NKD1: variants seen among roughly 807,000 people sequenced by gnomAD.
The protein encoded by NKD1 is NKD inhibitor of Wnt signaling pathway 1.
Under a neutral mutation model 56.0 loss-of-function variants are expected in NKD1, and 21 were observed. The ratio of observed to expected loss-of-function variants is 0.38; its 90% CI spans 0.27 to 0.54. The LOEUF (loss-of-function observed/expected upper bound fraction) is 0.54. Ranked by LOEUF, NKD1 falls within the 20% of genes least tolerant of loss-of-function variation. The probability of loss-of-function intolerance (pLI) is 0.82; values close to 1 mark genes in which losing one functional copy is unlikely to be tolerated. For synonymous variants in NKD1, 263 were observed against 265.7 expected, an observed-to-expected ratio of 0.99 and a Z score of 0.10; for missense variants, 578 against 642.7, an observed-to-expected ratio of 0.90 and a Z score of 1.09.
intron 3 of NKD1, among the ~76,000 whole-genome samples, chr16:50,578,730 G>A (rs1961043985): frequency 6.6e-6 from 1 of 152,126 alleles, no homozygotes; most frequent in South Asian, 2.1e-4. Flanking sequence ...GAGGCCTTCT[G>A]CAGCCTGTAG....
chr16:50,595,901 T>C (rs1461006613), intron 3 of NKD1, among the ~76,000 whole-genome samples: 1 of 152,170 alleles, frequency 6.6e-6, no homozygotes, highest in Non-Finnish European at 1.5e-5. Flanking sequence ...TAGATCCCCA[T>C]ACTTTTTGCT....
At position 50,630,836 on chromosome 16, in the gene NKD1, C is replaced by G; in HGVS notation, c.621C>G (p.Ser207Arg). The G allele has an allele frequency of 6.2e-7, 1 of 1,602,100 alleles. No individual in the cohort carries two copies. The highest frequency in any genetic ancestry group is 8.5e-7 in the Non-Finnish European group (1 of 1,175,034). Residue 207 changes from serine (S) to arginine (R), a missense_variant, in exon 8 of 10, where the codon AGC (serine) becomes AGG (arginine). Coordinates refer to ENST00000268459, the MANE Select transcript of NKD1 (RefSeq NM_033119.5). ...TCGGGCCGGACTCAGACCTGCAGAG[C>G]GCAAGGCCCCGAGCAGAGACCAAGC... is the stretch of plus-strand genomic sequence containing the variant. ...SVLVNQADLQSARPRAETKPT... is the reference protein window; with the variant it reads ...SVLVNQADLQRARPRAETKPT...
At position 50,632,172 on chromosome 16, in the gene NKD1, G is replaced by A; in HGVS notation, c.696-109G>A. ...CCCACCCTCTCCAAAGGCCAAGAAGGAAATGAATGAAGGGTCCAGAGTTCA... is the reference window on the plus strand; with the variant it reads ...CCCACCCTCTCCAAAGGCCAAGAAGAAAATGAATGAAGGGTCCAGAGTTCA... On this transcript the variant is annotated intron_variant, in intron 8 of 9. Coordinates refer to ENST00000268459, the MANE Select transcript of NKD1 (RefSeq NM_033119.5). This position sits in a 1 kb window ranked among gnomAD's most constrained non-coding sequence, Gnocchi z 4.1. The A allele has an allele frequency of 9.5e-7, 1 of 1,053,686 alleles. No individual in the cohort carries two copies. The highest frequency in any genetic ancestry group is 1.4e-6 in the Non-Finnish European group (1 of 713,162). 65.3% of individuals were successfully genotyped at this position (1,053,686 alleles called of 1,614,324 possible).
In NKD1 at chr16:50,549,387, C is replaced by T. The variant is rs368381702; in HGVS notation, c.59-35C>T. 63 of 1,601,420 alleles carry T rather than the reference C, an allele frequency of 3.9e-5. No individual in the cohort carries two copies. In the African/African-American group the frequency reaches 5.0e-4, roughly 13 times the overall value. ...CGGGGGTAACTTTTGGCACCTGGAG[C>T]CAGACTCAGGGGCTTCATGTCGTCC... is the stretch of plus-strand genomic sequence containing the variant. On this transcript the variant is annotated intron_variant, in intron 2 of 9. Coordinates refer to ENST00000268459, the MANE Select transcript of NKD1 (RefSeq NM_033119.5).
At chr16:50,573,920 T>C in intron 3 of NKD1, 2 of 985,408 alleles carry the variant, frequency 2.0e-6, no homozygotes, top group Non-Finnish European at 2.4e-6. Flanking sequence ...ACTATATATG[T>C]CTGGGGTGCA....
At chr16:50,599,685 C>T (rs553310332) in intron 3 of NKD1, among the ~76,000 whole-genome samples, 1 of 152,274 alleles carries the variant, frequency 6.6e-6, no homozygotes, top group South Asian at 2.1e-4. Flanking sequence ...CCATCAGATC[C>T]CAGTTTCCAC....
In NKD1 at chr16:50,642,720, G is replaced by C. The variant is rs932130119; in HGVS notation, c.*8939G>C. 1.3e-5 allele frequency: 2 copies of C among 152,268 alleles called. No individual in the cohort carries two copies. The highest frequency in any genetic ancestry group is 3.8e-4 in the East Asian group (2 of 5,196). 9.4% of individuals were successfully genotyped at this position (152,268 alleles called of 1,614,324 possible). ...CAGTTAGGAGAATGTGACCCCAGAA[G>C]GCTCATGGGAAAGGAGGTGCAGTCC... On this transcript the variant is annotated 3_prime_UTR_variant, in exon 10 of 10. Transcript: ENST00000268459.
intron 3 of NKD1, among the ~76,000 whole-genome samples, chr16:50,569,960 C>A (rs142083566): frequency 2.2e-4 from 34 of 152,262 alleles, no homozygotes; most frequent in Middle Eastern, 3.4e-3. Context: ...GCACTGCCTA[C>A]CATGGCAGCC....
chr16:50,629,288 C>T (rs1962291208), intron 6 of NKD1, among the ~76,000 whole-genome samples: 1 of 152,128 alleles, frequency 6.6e-6, no homozygotes, highest in African/African-American at 2.4e-5. Flanking sequence ...GGCCCTGATC[C>T]TATCATGGTC....
rs527934827 is a variant in NKD1, at chr16:50,632,070, G to A, written c.696-211G>A. ...AGAAGCTGCGGGGAGGTCGGGCTGT[G>A]GGCTGTGGTCTATGGTCTGTCTCTC... On this transcript the variant is annotated intron_variant, in intron 8 of 9. Coordinates refer to ENST00000268459, the MANE Select transcript of NKD1 (RefSeq NM_033119.5). This position sits in a 1 kb window ranked among gnomAD's most constrained non-coding sequence, Gnocchi z 4.1. Among the ~76,000 whole-genome samples, 1 of 152,356 alleles carries A rather than the reference G, an allele frequency of 6.6e-6. No individual in the cohort carries two copies. The highest frequency in any genetic ancestry group is 1.5e-5 in the Non-Finnish European group (1 of 68,038).
At chr16:50,576,856 T>C (rs1157879595) in intron 3 of NKD1, among the ~76,000 whole-genome samples, 1 of 151,896 alleles carries the variant, frequency 6.6e-6, no homozygotes, top group East Asian at 1.9e-4. Flanking sequence ...TGGGAAGGTA[T>C]TCCTACCATC....
intron 3 of NKD1, among the ~76,000 whole-genome samples, chr16:50,565,971 T>C (rs1960750194): frequency 6.6e-6 from 1 of 152,212 alleles, no homozygotes; most frequent in South Asian, 2.1e-4. Context: ...ACAGTGTGCA[T>C]TTCTGCTTCC....
chr16:50,620,426 T>A (rs1962059814), intron 4 of NKD1, among the ~76,000 whole-genome samples: 1 of 152,180 alleles, frequency 6.6e-6, no homozygotes, highest in Admixed American at 6.5e-5. Flanking sequence ...CCCAAGAAAG[T>A]CCTGCCTTGC....
At chr16:50,622,271 T>G (rs1172157432) in intron 5 of NKD1, among the ~76,000 whole-genome samples, 1 of 151,504 alleles carries the variant, frequency 6.6e-6, no homozygotes, top group Non-Finnish European at 1.5e-5. Flanking sequence ...GGGGTAGGAG[T>G]TGGGAGAGGG....
rs886960284 is a variant in NKD1 at position 50,648,189 on chromosome 16, C to T, written c.*14408C>T. The T allele has an allele frequency of 5.9e-5, 9 of 152,940 alleles. No individual in the cohort carries two copies. The highest frequency in any genetic ancestry group is 1.9e-4 in the African/African-American group (8 of 41,450). The allele number at this position is 152,940 out of a possible 1,614,324, so 9.5% of individuals were successfully genotyped here. A position where few individuals can be genotyped will look rare whatever the true frequency, so the allele number is the denominator to read the frequency against. On this transcript the variant is annotated 3_prime_UTR_variant, in exon 10 of 10. Transcript: ENST00000268459. ...ACCCAGAAATGCCACACCATGGAAGCCACACACTCTGCTGTCTCCTTCTGT... is the reference window on the plus strand; with the variant it reads ...ACCCAGAAATGCCACACCATGGAAGTCACACACTCTGCTGTCTCCTTCTGT...
chr16:50,616,099 C>G (rs1451028133), intron 4 of NKD1: 3 of 455,800 alleles, frequency 6.6e-6, no homozygotes, highest in East Asian at 1.4e-4. Context: ...AACCCTGAGA[C>G]TAAAATATTT....
intron 3 of NKD1, among the ~76,000 whole-genome samples, chr16:50,568,726 A>G (rs992232252): frequency 2.6e-5 from 4 of 151,934 alleles, no homozygotes; most frequent in African/African-American, 9.7e-5. Flanking sequence ...TCCAGTCAGC[A>G]CCTCTGTACA....
At chr16:50,552,948 G>A (rs1960422485) in intron 3 of NKD1, among the ~76,000 whole-genome samples, 1 of 152,228 alleles carries the variant, frequency 6.6e-6, no homozygotes, top group African/African-American at 2.4e-5. Context: ...AGGGAATATG[G>A]ACTCATAGGA....
At chr16:50,603,269 T>C (rs982426864) in intron 3 of NKD1, among the ~76,000 whole-genome samples, 1 of 152,084 alleles carries the variant, frequency 6.6e-6, no homozygotes, top group Non-Finnish European at 1.5e-5. Context: ...GCCAGGTCGA[T>C]CTGGACGCTG....
Sources: allele counts gnomAD v4.1 joint callset (sites outside exome capture counted in the v4.1 genomes callset), GRCh38; gene constraint gnomAD v4.1.1; non-coding constraint Gnocchi (gnomAD v3.1); transcripts MANE v1.5; gene names NCBI Gene and HGNC (gene_info 2026-07-23, HGNC 2026-07-21).